Variants in PDGFC observed in about 807,000 individuals in gnomAD.
The protein encoded by PDGFC is platelet-derived growth factor C.
PDGFC carries 12 observed loss-of-function variants against 35.5 expected under a neutral mutation model. That is an observed-to-expected ratio of 0.34 (90% CI 0.22 to 0.55). The LOEUF is 0.55. PDGFC is among the 20% of genes least tolerant of loss of function. The pLI is 0.91. For synonymous variants in PDGFC, 159 were observed against 148.8 expected, an observed-to-expected ratio of 1.07 and a Z score of -0.50; for missense variants, 322 against 412.4, an observed-to-expected ratio of 0.78 and a Z score of 1.90.
chr4:156,843,933 C>T (rs1024995099), intron 2 of PDGFC, among the ~76,000 whole-genome samples: 7 of 152,130 alleles, frequency 4.6e-5, no homozygotes, highest in African/African-American at 1.2e-4. Context: ...CAATAGTTTA[C>T]TACCTAATAC....
At chr4:156,828,754 A>G (rs562029197) in intron 2 of PDGFC, among the ~76,000 whole-genome samples, 1 of 152,286 alleles carries the variant, frequency 6.6e-6, no homozygotes, top group African/African-American at 2.4e-5. Context: ...TTTCATTTAT[A>G]TATTACTTCC....
At chr4:156,824,839 C>G (rs1732398162) in intron 2 of PDGFC, among the ~76,000 whole-genome samples, 2 of 152,194 alleles carry the variant, frequency 1.3e-5, no homozygotes, top group South Asian at 4.1e-4. Context: ...GAGAGACTTT[C>G]TTGTAATTAG....
intron 1 of PDGFC, among the ~76,000 whole-genome samples, chr4:156,938,099 CA>C (rs1326536433): frequency 1.3e-5 from 2 of 151,878 alleles, no homozygotes; most frequent in African/African-American, 4.8e-5. Context: ...TACGAAAGGA[CA>C]AATTTTTACA....
chr4:156,821,050 T>C (rs894158022), intron 2 of PDGFC, among the ~76,000 whole-genome samples: 3 of 152,100 alleles, frequency 2.0e-5, no homozygotes, highest in African/African-American at 7.2e-5. Flanking sequence ...TGAGAACAGA[T>C]TGTGGTCGGG....
chr4:156,907,565 T>A (rs890276151), intron 1 of PDGFC, among the ~76,000 whole-genome samples: 2 of 152,092 alleles, frequency 1.3e-5, no homozygotes, highest in Non-Finnish European at 2.9e-5. Context: ...CTAGTCCTCA[T>A]GGTTGAAAAG....
At chr4:156,871,241 A>G (rs1471851217) in intron 1 of PDGFC, among the ~76,000 whole-genome samples, 1 of 152,148 alleles carries the variant, frequency 6.6e-6, no homozygotes, top group South Asian at 2.1e-4. Flanking sequence ...TAAAACAGAA[A>G]TGAATGGCAG....
intron 2 of PDGFC, among the ~76,000 whole-genome samples, chr4:156,820,892 A>C (rs1732234957): frequency 1.3e-5 from 2 of 152,246 alleles, no homozygotes; most frequent in African/African-American, 4.8e-5. Flanking sequence ...TTCTCATTAA[A>C]GTTAGAACAA....
intron 1 of PDGFC, among the ~76,000 whole-genome samples, chr4:156,895,291 A>C (rs778336104): frequency 1.6e-4 from 25 of 152,206 alleles, no homozygotes; most frequent in Non-Finnish European, 2.8e-4. Flanking sequence ...ATGATATACA[A>C]AAATTTAAAT....
At chr4:156,885,957 T>C (rs1730366602) in intron 1 of PDGFC, among the ~76,000 whole-genome samples, 1 of 152,174 alleles carries the variant, frequency 6.6e-6, no homozygotes, top group African/African-American at 2.4e-5. Context: ...AACAAAATAA[T>C]TTTGGCACTT....
intron 1 of PDGFC, among the ~76,000 whole-genome samples, chr4:156,871,686 A>G (rs1729987299): frequency 6.6e-6 from 1 of 152,160 alleles, no homozygotes; most frequent in Non-Finnish European, 1.5e-5. Flanking sequence ...ATTGCTTAGA[A>G]TATACTATAT....
rs1029777299 is a variant in PDGFC at position 156,971,391 on chromosome 4, G to C, written c.-488C>G. ...AAGCTGCCAATAGATGCGGCTCTCCGGGCGCCCCTCTCCCCCGCCCCACCC... is the reference window on the plus strand; with the variant it reads ...AAGCTGCCAATAGATGCGGCTCTCCCGGCGCCCCTCTCCCCCGCCCCACCC... On this transcript the variant is annotated 5_prime_UTR_variant, in exon 1 of 6. Transcript: ENST00000502773. 12 of 395,630 alleles carry C rather than the reference G, an allele frequency of 3.0e-5. No individual in the cohort carries two copies. The highest frequency in any genetic ancestry group is 2.2e-5 in the Non-Finnish European group (5 of 224,442). 24.5% of individuals were successfully genotyped at this position (395,630 alleles called of 1,614,324 possible).
At chr4:156,905,442 G>A (rs139268301) in intron 1 of PDGFC, among the ~76,000 whole-genome samples, 3,377 of 151,900 alleles carry the variant, frequency 0.022, 63 homozygotes, top group Non-Finnish European at 0.03. Context: ...TGAGATAGTT[G>A]CCCATAATGT....
chr4:156,766,137 T>C (rs1169214652), intron 5 of PDGFC, among the ~76,000 whole-genome samples: 1 of 152,006 alleles, frequency 6.6e-6, no homozygotes, highest in Non-Finnish European at 1.5e-5. Flanking sequence ...CAAAGAAAAA[T>C]AGACAATAAT....
At chr4:156,772,927 T>G (rs1169579047) in intron 3 of PDGFC, 34 bp from the exon 4 acceptor site, 1 of 1,423,178 alleles carries the variant, frequency 7.0e-7, no homozygotes, top group Non-Finnish European at 9.9e-7. Context: ...TTAACTGTTT[T>G]AAAAACGACA....
At chr4:156,817,751 C>T (rs1345068315) in intron 2 of PDGFC, among the ~76,000 whole-genome samples, 1 of 152,048 alleles carries the variant, frequency 6.6e-6, no homozygotes, top group Non-Finnish European at 1.5e-5. Flanking sequence ...CTATCCTCCC[C>T]ATTAAATTTT....
At chr4:156,901,230 G>T (rs985222628) in intron 1 of PDGFC, among the ~76,000 whole-genome samples, 1 of 152,068 alleles carries the variant, frequency 6.6e-6, no homozygotes. Context: ...ATTGACCATG[G>T]GTGGCTTTGA....
At chr4:156,805,994 C>T (rs1356379331) in intron 3 of PDGFC, among the ~76,000 whole-genome samples, 4 of 151,950 alleles carry the variant, frequency 2.6e-5, no homozygotes, top group East Asian at 3.9e-4. Context: ...TACAAAATCA[C>T]CATTAAGAAA....
intron 1 of PDGFC, among the ~76,000 whole-genome samples, chr4:156,926,430 C>G (rs1731416366): frequency 6.6e-6 from 1 of 152,166 alleles, no homozygotes; most frequent in African/African-American, 2.4e-5. Flanking sequence ...GCTCCACTCT[C>G]TAGCCTCTTC....
At chr4:156,966,422 G>A (rs191580128) in intron 1 of PDGFC, among the ~76,000 whole-genome samples, 91 of 151,904 alleles carry the variant, frequency 6.0e-4, no homozygotes, top group Admixed American at 4.7e-3. Flanking sequence ...AGAAACCTAC[G>A]GGGAAAATAT....
Sources: gnomAD v4.1 joint callset for allele counts (sites outside exome capture counted in the v4.1 genomes callset) on GRCh38, gnomAD v4.1.1 for gene constraint, MANE v1.5 for transcripts, NCBI Gene and HGNC (gene_info 2026-07-23, HGNC 2026-07-21) for gene names.